Variants in THADA observed in about 807,000 individuals in gnomAD.
THADA encodes the protein tRNA (32-2'-O)-methyltransferase regulator THADA.
THADA carries 213 observed loss-of-function variants against 219.8 expected under a neutral mutation model. That is an observed-to-expected ratio of 0.97 (90% confidence interval 0.87 to 1.09). The LOEUF (loss-of-function observed/expected upper bound fraction) is 1.09. THADA is among the 50% of genes least tolerant of loss of function. The probability of loss-of-function intolerance (pLI) is 0.00; values close to 1 mark genes in which losing one functional copy is unlikely to be tolerated. For missense variants in THADA, 2,956 were observed against 2,311.3 expected (o/e 1.28, Z -5.72); for synonymous variants, 1,018 against 828.9 (o/e 1.23, Z -3.92).
chr2:43,400,457 T>TTATATATA lies in THADA; in HGVS notation c.4059-2326_4059-2319dup, dbSNP rs539798216. ...TGGAAAGATTAGATCATAGACAAAT[T>TTATATATA]TATATATATATATATATATAAATAT... On this transcript the variant is annotated intron_variant, in intron 28 of 37. Coordinates refer to ENST00000405975, the MANE Select transcript of THADA (RefSeq NM_022065.5). Among the ~76,000 whole-genome samples the TTATATATA allele has an allele frequency of 3.5e-3, 319 of 89,904 alleles. 13 individuals are homozygous for TTATATATA. Among genetic ancestry groups the TTATATATA allele is most frequent in the African/African-American group, 0.011 (287 of 25,684 alleles). The allele number at this position is 89,904 out of a possible 152,430, so 59.0% of individuals were successfully genotyped here. A position where few individuals can be genotyped will look rare whatever the true frequency, so the allele number is the denominator to read the frequency against.
At chr2:43,410,056 G>A (rs1676088886) in intron 28 of THADA, among the ~76,000 whole-genome samples, 1 of 150,992 alleles carries the variant, frequency 6.6e-6, no homozygotes, top group African/African-American at 2.4e-5. Context: ...AGAAAAGAAA[G>A]CAAACAACCT....
At chr2:43,556,170 GTAT>G in intron 17 of THADA, 172 bp downstream of exon 17, 1 of 1,313,810 alleles carries the variant, frequency 7.6e-7, no homozygotes, top group Non-Finnish European at 1.0e-6. Flanking sequence ...TTAGAAAAAA[GTAT>G]TATAGCTGAC....
At position 43,541,330 on chromosome 2, in the gene THADA, A is replaced by C. The variant is rs1695280091; in HGVS notation, c.3107-14T>G. ...TTACTTCTTTACCTTAAACAAAAAA[A>C]AACACAACGATTGCAACCTTGATTA... On this transcript the variant is annotated splice_polypyrimidine_tract_variant and intron_variant, in intron 20 of 37. Transcript: ENST00000405975. The C allele has an allele frequency of 6.2e-7, 1 of 1,611,496 alleles. No individual in the cohort carries two copies. Among genetic ancestry groups the C allele is most frequent in the African/African-American group, 1.3e-5 (1 of 74,732 alleles).
intron 29 of THADA, among the ~76,000 whole-genome samples, chr2:43,374,100 G>T (rs532518289): frequency 2.0e-5 from 3 of 152,132 alleles, no homozygotes; most frequent in Admixed American, 2.0e-4. Flanking sequence ...ACTATCAAGT[G>T]AAAGTTTAAA....
chr2:43,397,958 C>G lies in THADA; in HGVS notation c.4227+13G>C, dbSNP rs1012751347. ...GGTGTTTGACAGAAGTCACACAAAGCAACTTTACTTACCTGGAGAAGTGTC... is the reference window on the plus strand; with the variant it reads ...GGTGTTTGACAGAAGTCACACAAAGGAACTTTACTTACCTGGAGAAGTGTC... On this transcript the variant is annotated intron_variant, in intron 29 of 37. Transcript: ENST00000405975. 5.0e-6 allele frequency: 8 copies of G among 1,613,308 alleles called. No individual in the cohort carries two copies. The Middle Eastern group carries it at 5.0e-4, about 100-fold the overall frequency.
chr2:43,297,874 G>A (rs1401396713), intron 31 of THADA, among the ~76,000 whole-genome samples: 1 of 113,948 alleles, frequency 8.8e-6, no homozygotes. Context: ...GGAGGTGAGG[G>A]GCGCCTCTGC....
intron 25 of THADA, among the ~76,000 whole-genome samples, 197 bp downstream of exon 25, chr2:43,498,636 G>T (rs1360977680): frequency 6.6e-6 from 1 of 151,830 alleles, no homozygotes; most frequent in African/African-American, 2.4e-5. Flanking sequence ...AAGAAAGATG[G>T]CTAACAAGCC....
At chr2:43,428,285 T>C in intron 27 of THADA, 54 bp from the exon 28 acceptor site, 2 of 1,497,628 alleles carry the variant, frequency 1.3e-6, no homozygotes, top group South Asian at 1.2e-5. Flanking sequence ...AGTGAAGCAC[T>C]CCTCCTTCAA....
chr2:43,326,698 C>CT lies in THADA; in HGVS notation c.4344-6159dup, dbSNP rs1164884589. On this transcript the variant is annotated intron_variant, in intron 30 of 37. Coordinates refer to ENST00000405975, the MANE Select transcript of THADA (RefSeq NM_022065.5). Reference sequence around the variant, plus strand: ...AACAGGGGCCCGAAACAGAAGTAGTCTTTCAGAGCTCTAAAAGTTCCAAAG... The same window carrying CT: ...AACAGGGGCCCGAAACAGAAGTAGTCTTTTCAGAGCTCTAAAAGTTCCAAAG... Among the ~76,000 whole-genome samples the CT allele has an allele frequency of 2.0e-5, 3 of 152,268 alleles. No homozygotes were observed. The East Asian group carries it at 5.8e-4, about 29-fold the overall frequency.
chr2:43,422,185 C>CT (rs1677799000), intron 28 of THADA, among the ~76,000 whole-genome samples: 1 of 152,190 alleles, frequency 6.6e-6, no homozygotes, highest in Admixed American at 6.5e-5. Context: ...ATAGAGAATA[C>CT]TAATTTTCAC....
intron 30 of THADA, among the ~76,000 whole-genome samples, chr2:43,325,984 G>T (rs2104479486): frequency 6.6e-6 from 1 of 152,210 alleles, no homozygotes; most frequent in South Asian, 2.1e-4. Context: ...ACACATTCCT[G>T]AAATTAAATA....
At chr2:43,290,559 C>T (rs1034871497) in intron 34 of THADA, among the ~76,000 whole-genome samples, 6 of 152,162 alleles carry the variant, frequency 3.9e-5, no homozygotes, top group Admixed American at 1.3e-4. Flanking sequence ...TGGGTTCCCA[C>T]GGCCCTGGCA....
chr2:43,440,441 T>G (rs1044657804), intron 26 of THADA, among the ~76,000 whole-genome samples: 2 of 152,204 alleles, frequency 1.3e-5, no homozygotes, highest in Non-Finnish European at 2.9e-5. Flanking sequence ...ACAGGATCAC[T>G]GTTTTACACA....
intron 8 of THADA, among the ~76,000 whole-genome samples, chr2:43,580,864 AG>A (rs1700362337): frequency 6.6e-6 from 1 of 151,972 alleles, no homozygotes; most frequent in Non-Finnish European, 1.5e-5. Context: ...TGGGCGACAA[AG>A]AGAGACTCCA....
intron 22 of THADA, among the ~76,000 whole-genome samples, chr2:43,520,917 G>GAGGA (rs1178486226): frequency 5.5e-5 from 7 of 126,276 alleles, no homozygotes; most frequent in African/African-American, 2.0e-4. Context: ...GGGAGGGAGG[G>GAGGA]AAGAAAAAAG....
chr2:43,544,789 G>T (rs1275524648), intron 20 of THADA, among the ~76,000 whole-genome samples: 2 of 151,618 alleles, frequency 1.3e-5, no homozygotes, highest in Non-Finnish European at 2.9e-5. Context: ...AGAAAATGGG[G>T]TTTTCTAGAT....
chr2:43,323,036 G>A (rs1455432377), intron 30 of THADA, among the ~76,000 whole-genome samples: 1 of 151,988 alleles, frequency 6.6e-6, no homozygotes. Context: ...TACAAATGAT[G>A]GCTTACTATA....
At chr2:43,539,515 T>C (rs1453793831) in intron 21 of THADA, among the ~76,000 whole-genome samples, 1 of 152,234 alleles carries the variant, frequency 6.6e-6, no homozygotes. Flanking sequence ...GAGACATTTC[T>C]TTAGCTAAAG....
intron 29 of THADA, among the ~76,000 whole-genome samples, chr2:43,380,972 C>T (rs533850875): frequency 1.3e-5 from 2 of 151,988 alleles, no homozygotes; most frequent in African/African-American, 4.8e-5. Flanking sequence ...GTGGCACATG[C>T]CTATAGTCCC....
Sources: gnomAD v4.1 joint callset for allele counts (sites outside exome capture counted in the v4.1 genomes callset) on GRCh38, gnomAD v4.1.1 for gene constraint, MANE v1.5 for transcripts, NCBI Gene and HGNC (gene_info 2026-07-23, HGNC 2026-07-21) for gene names.